Variants in SCAP observed in about 807,000 individuals in gnomAD.
SCAP encodes the protein SREBF chaperone, also known as sterol regulatory element-binding protein cleavage-activating protein.
In SCAP, 65 loss-of-function variants were observed where a neutral mutation model predicts 123.6. The observed-to-expected ratio is 0.53, with a 90% CI of 0.43 to 0.65. SCAP has a LOEUF of 0.65. Ranked by LOEUF, SCAP falls within the 30% of genes least tolerant of loss-of-function variation. SCAP has a pLI of 0.00. For synonymous variants in SCAP, 740 were observed against 726.3 expected (o/e 1.02, Z -0.30); for missense variants, 1,398 against 1,712.5 (o/e 0.82, Z 3.24).
At position 47,420,651 on chromosome 3, in the gene SCAP, G is replaced by C. The variant is rs769513073; in HGVS notation, c.1466C>G (p.Thr489Arg). ...GTTTCGGAAGGAAGACGGCTGCAAC[G>C]TGATGGTGTGGGGTGTGGACGGCCT... The part of the protein sequence containing the change: ...AVRPSTPHTI[T>R]LQPSSFRNLR... Residue 489 changes from threonine (T) to arginine (R), a missense_variant, in exon 12 of 23, where the codon ACG becomes AGG. Thr to Arg is a moderately conservative substitution (Grantham distance 71). Around this residue, in one of 7 missense-constraint regions of SCAP, gnomAD observed 828 missense variants for 882.5 expected, o/e 0.94. Transcript: ENST00000265565. This position sits in a 1 kb window ranked among gnomAD's most constrained non-coding sequence, Gnocchi z 5.0. The C allele has an allele frequency of 3.1e-6, 5 of 1,612,230 alleles. No individual in the cohort carries two copies. In the South Asian group the frequency reaches 5.5e-5, roughly 18 times the overall value.
At chr3:47,469,934 C>CTCTA (rs1707969336) in intron 1 of SCAP, 2 of 445,104 alleles carry the variant, frequency 4.5e-6, no homozygotes, top group Non-Finnish European at 8.9e-6. Flanking sequence ...ACTGCCACAG[C>CTCTA]TCTACTATTG....
chr3:47,470,714 A>C (rs1489555743), intron 1 of SCAP, among the ~76,000 whole-genome samples: 4 of 152,198 alleles, frequency 2.6e-5, no homozygotes, highest in African/African-American at 9.7e-5. Context: ...TACAAAAACT[A>C]GCCAGGTGTG....
At chr3:47,435,463 TAA>T (rs1491172616) in intron 2 of SCAP, among the ~76,000 whole-genome samples, 22 of 76,384 alleles carry the variant, frequency 2.9e-4, no homozygotes, top group African/African-American at 8.9e-4. Flanking sequence ...ATATATAATA[TAA>T]ACATACACAC....
At position 47,413,727 on chromosome 3, in the gene SCAP, G is replaced by GT. The variant is rs1293420967; in HGVS notation, c.*126dup. ...GATGATGATATGGTTTTTTAAAAAA[G>GT]TTTAATATTATTACAGTCAGGAGGC... On this transcript the variant is annotated 3_prime_UTR_variant, in exon 23 of 23. Coordinates refer to ENST00000265565, the MANE Select transcript of SCAP (RefSeq NM_012235.4). The GT allele has an allele frequency of 7.6e-7, 1 of 1,314,456 alleles. No individual in the cohort carries two copies. Among genetic ancestry groups the GT allele is most frequent in the Non-Finnish European group, 1.0e-6 (1 of 960,758 alleles). 81.4% of individuals were successfully genotyped at this position (1,314,456 alleles called of 1,614,324 possible). A position where few individuals can be genotyped will look rare whatever the true frequency, so the allele number is the denominator to read the frequency against.
intron 1 of SCAP, among the ~76,000 whole-genome samples, chr3:47,472,713 G>A (rs907150951): frequency 1.8e-4 from 28 of 152,010 alleles, no homozygotes; most frequent in Non-Finnish European, 5.9e-5. Flanking sequence ...CCCCACACTA[G>A]AGTCAGTGAC....
chr3:47,428,709 G>A, intron 3 of SCAP, 39 bp from the exon 4 acceptor site: 1 of 1,606,328 alleles, frequency 6.2e-7, no homozygotes, highest in Non-Finnish European at 8.5e-7. Flanking sequence ...GGGCAGCTGA[G>A]CACAGGAAGA....
chr3:47,465,433 A>G (rs752977168), intron 1 of SCAP, among the ~76,000 whole-genome samples: 7 of 152,158 alleles, frequency 4.6e-5, no homozygotes, highest in African/African-American at 1.7e-4. Context: ...GCTATCTACA[A>G]ACGCAATCCA....
At chr3:47,456,388 A>G (rs950623544) in intron 1 of SCAP, among the ~76,000 whole-genome samples, 1 of 152,296 alleles carries the variant, frequency 6.6e-6, no homozygotes, top group African/African-American at 2.4e-5. Flanking sequence ...GGGCAACAGA[A>G]TAAGACCCTG....
Position 47,415,155 on chromosome 3 carries a change from A to G in SCAP, c.3082T>C (p.Ser1028Pro). 6.2e-7 allele frequency: 1 copy of G among 1,612,414 alleles called. No homozygotes were observed. Among genetic ancestry groups the G allele is most frequent in the East Asian group, 2.2e-5 (1 of 44,852 alleles). Reference protein sequence around the residue: ...KRIVAARLNGSLDFFSLETHT... With the variant: ...KRIVAARLNGPLDFFSLETHT... ...GTCTCCAAGGAGAAGAAATCAAGGGAACCGTTGAGCCGTGCAGCCACAATC... is the reference window on the plus strand; with the variant it reads ...GTCTCCAAGGAGAAGAAATCAAGGGGACCGTTGAGCCGTGCAGCCACAATC... Residue 1028 changes from serine to proline, a missense_variant, in exon 19 of 23, where the codon TCC (serine) becomes CCC (proline). Ser to Pro is a moderately conservative substitution (Grantham distance 74). Transcript: ENST00000265565.
chr3:47,429,002 C>T (rs1036246606), intron 3 of SCAP: 10 of 240,392 alleles, frequency 4.2e-5, no homozygotes, highest in African/African-American at 2.3e-4. Flanking sequence ...CCGGAATTTG[C>T]ACATGGGACC....
chr3:47,434,974 C>A, intron 3 of SCAP, 34 bp downstream of exon 3: 1 of 1,613,964 alleles, frequency 6.2e-7, no homozygotes, highest in African/African-American at 1.3e-5. Flanking sequence ...ACCCAACGCT[C>A]TGTGCTGGCC....
chr3:47,442,546 G>A lies in SCAP; in HGVS notation c.122+326C>T, dbSNP rs182018344. On this transcript the variant is annotated intron_variant, in intron 2 of 22. Coordinates refer to ENST00000265565, the MANE Select transcript of SCAP (RefSeq NM_012235.4). Reference sequence around the variant, plus strand: ...CTTGCACTTAACCAGGTACTAAAACGAAACCACTACTATTGAGAAAGAAAA... The same window carrying A: ...CTTGCACTTAACCAGGTACTAAAACAAAACCACTACTATTGAGAAAGAAAA... 1.1e-3 allele frequency among the ~76,000 whole-genome samples: 169 copies of A among 152,316 alleles called. 3 individuals carry two copies. Among genetic ancestry groups the A allele is most frequent in the African/African-American group, 3.8e-3 (158 of 41,558 alleles).
chr3:47,475,169 C>G (rs1708218371), intron 1 of SCAP, among the ~76,000 whole-genome samples: 2 of 152,258 alleles, frequency 1.3e-5, no homozygotes, highest in East Asian at 1.9e-4. Context: ...CTGCCCCCCC[C>G]TCCGCATTCC....
chr3:47,434,788 G>C (rs570964994), intron 3 of SCAP: 1 of 462,510 alleles, frequency 2.2e-6, no homozygotes. Flanking sequence ...AGTGAGCCGA[G>C]ATTGTGCCAT....
chr3:47,457,530 C>T (rs1707473269), intron 1 of SCAP, among the ~76,000 whole-genome samples: 1 of 152,188 alleles, frequency 6.6e-6, no homozygotes, highest in African/African-American at 2.4e-5. Flanking sequence ...CTGAGCTAAA[C>T]TAGTCCACTG....
intron 1 of SCAP, among the ~76,000 whole-genome samples, chr3:47,443,530 A>G (rs1226737878): frequency 6.6e-6 from 1 of 152,122 alleles, no homozygotes; most frequent in African/African-American, 2.4e-5. Flanking sequence ...CCCTTTACAT[A>G]GGGATGGCCT....
chr3:47,418,933 G>A, intron 13 of SCAP, 90 bp from the exon 14 acceptor site: 5 of 1,334,358 alleles, frequency 3.7e-6, no homozygotes, highest in Non-Finnish European at 5.0e-6. Flanking sequence ...CTCCTCCCCA[G>A]GCAGGCCTCA....
At chr3:47,424,227 C>G (rs1310354125) in intron 8 of SCAP, among the ~76,000 whole-genome samples, 182 bp from the exon 9 acceptor site, 1 of 152,210 alleles carries the variant, frequency 6.6e-6, no homozygotes. Context: ...ACACAGCACT[C>G]AGCTTTCAGG....
intron 1 of SCAP, among the ~76,000 whole-genome samples, chr3:47,460,206 A>C (rs967877667): frequency 1.3e-5 from 2 of 152,220 alleles, no homozygotes; most frequent in African/African-American, 4.8e-5. Context: ...TTTTACAATC[A>C]ATTTGTACAG....
Sources: allele counts gnomAD v4.1 joint callset (sites outside exome capture counted in the v4.1 genomes callset), GRCh38; gene constraint gnomAD v4.1.1; regional missense constraint gnomAD v4.1.1; non-coding constraint Gnocchi (gnomAD v3.1); transcripts MANE v1.5; gene names NCBI Gene and HGNC (gene_info 2026-07-23, HGNC 2026-07-21).